Variants in RAPGEF4 observed in about 807,000 individuals in gnomAD.
RAPGEF4 encodes the protein Rap guanine nucleotide exchange factor 4.
RAPGEF4 carries 66 observed loss-of-function variants against 147.9 expected under a neutral mutation model. The observed-to-expected ratio is 0.45, with a 90% CI of 0.37 to 0.55. The LOEUF (loss-of-function observed/expected upper bound fraction) is 0.55, where lower values mean the gene tolerates loss of function less well. Ranked by LOEUF, RAPGEF4 falls within the 20% of genes least tolerant of loss-of-function variation. The pLI is 0.00. For missense variants in RAPGEF4, 1,071 were observed against 1,257.3 expected, an observed-to-expected ratio of 0.85 and a Z score of 2.24; for synonymous variants, 419 against 442.7, an observed-to-expected ratio of 0.95 and a Z score of 0.67.
rs780456542 is a variant in RAPGEF4 at position 172,983,489 on chromosome 2, T to G, written c.1005-7T>G. On this transcript the variant is annotated splice_region_variant and splice_polypyrimidine_tract_variant and intron_variant, in intron 10 of 30. Transcript: ENST00000397081. ...CCATATTCCTTTTTTTTTTTTTATC[T>G]TTGTAGACCTGGCCAGAGGACTGTG... is the stretch of plus-strand genomic sequence containing the variant. The G allele has an allele frequency of 1.9e-6, 3 of 1,584,608 alleles. No homozygotes were observed. The highest frequency in any genetic ancestry group is 2.6e-6 in the Non-Finnish European group (3 of 1,172,382).
rs766939204 is a variant in RAPGEF4, at chr2:173,048,600, C to A, written c.2854C>A (p.Arg952Ser). 1.2e-6 allele frequency: 2 copies of A among 1,613,974 alleles called. No homozygotes were observed. The highest frequency in any genetic ancestry group is 3.3e-5 in the Admixed American group (2 of 60,014). Reference sequence around the variant, plus strand: ...TTTCTTTTTTCTATATTCCTTTTAGCGCATGATTGCAAATACGGCCAGAAC... The same window carrying A: ...TTTCTTTTTTCTATATTCCTTTTAGAGCATGATTGCAAATACGGCCAGAAC... ...IDNLVNFEKM[R>S]MIANTARTVR... Residue 952 changes from arginine (R) to serine (S), a missense_variant and splice_region_variant, in exon 30 of 31, where the codon CGC becomes AGC. By Grantham distance (110) the Arg-to-Ser change is moderately radical. Coordinates refer to ENST00000397081, the MANE Select transcript of RAPGEF4 (RefSeq NM_007023.4).
At chr2:173,027,435 T>A (rs1696771845) in intron 25 of RAPGEF4, among the ~76,000 whole-genome samples, 176 bp downstream of exon 25, 1 of 152,036 alleles carries the variant, frequency 6.6e-6, no homozygotes, top group African/African-American at 2.4e-5. Context: ...TTTGTAGCAT[T>A]TAACATCAAT....
Position 172,941,519 on chromosome 2 carries a change from CTTAT to C in RAPGEF4, c.537+19221_537+19224del, listed in dbSNP as rs1222920999. On this transcript the variant is annotated intron_variant, in intron 6 of 30. Coordinates refer to ENST00000397081, the MANE Select transcript of RAPGEF4 (RefSeq NM_007023.4). ...TAAATAGCATAATCCATGGAAAGTTCTTATTGCCACGTCTGACAAAAAGTAAGCA... is the reference window on the plus strand; with the variant it reads ...TAAATAGCATAATCCATGGAAAGTTCTGCCACGTCTGACAAAAAGTAAGCA... 2.0e-5 allele frequency among the ~76,000 whole-genome samples: 3 copies of C among 152,224 alleles called. No individual in the cohort carries two copies. In the East Asian group the frequency reaches 5.8e-4, roughly 29 times the overall value.
At chr2:172,888,567 G>A (rs1408782782) in intron 4 of RAPGEF4, among the ~76,000 whole-genome samples, 3 of 152,154 alleles carry the variant, frequency 2.0e-5, no homozygotes, top group Non-Finnish European at 4.4e-5. Flanking sequence ...TTCATTTGTG[G>A]ACCAATAAGT....
At chr2:172,929,778 G>A (rs1244747954) in intron 6 of RAPGEF4, among the ~76,000 whole-genome samples, 1 of 152,176 alleles carries the variant, frequency 6.6e-6, no homozygotes, top group Non-Finnish European at 1.5e-5. Context: ...GAACAGTGAA[G>A]TATTGTGGGT....
At chr2:173,043,887 C>G (rs190540244) in intron 29 of RAPGEF4, among the ~76,000 whole-genome samples, 1 of 152,234 alleles carries the variant, frequency 6.6e-6, no homozygotes, top group Non-Finnish European at 1.5e-5. Context: ...AGTGGTCACC[C>G]CTTCCTCTGG....
chr2:172,901,500 T>C (rs1310089291), intron 4 of RAPGEF4, among the ~76,000 whole-genome samples: 1 of 152,256 alleles, frequency 6.6e-6, no homozygotes, highest in Admixed American at 6.5e-5. Flanking sequence ...TAGGTCTTCA[T>C]GCATTAGGCT....
intron 4 of RAPGEF4, chr2:172,917,349 A>G (rs1486879429): frequency 4.7e-6 from 2 of 429,680 alleles, no homozygotes; most frequent in South Asian, 1.7e-5. Context: ...CAAAAAAGAC[A>G]TTTTTCTCAA....
Position 172,928,275 on chromosome 2 carries a change from CT to C in RAPGEF4, c.537+5980del, listed in dbSNP as rs1382538967. 6.7e-6 allele frequency: 3 copies of C among 450,422 alleles called. No homozygotes were observed. In the Admixed American group the frequency reaches 7.1e-5, roughly 11 times the overall value. 27.9% of individuals were successfully genotyped at this position (450,422 alleles called of 1,614,324 possible). A position where few individuals can be genotyped will look rare whatever the true frequency, so the allele number is the denominator to read the frequency against. On this transcript the variant is annotated intron_variant, in intron 6 of 30. Transcript: ENST00000397081. ...ACTGTCGTTGCTGAATTTCTTTCTGCTTTTTATTCCATCTGTTCCTCAACTC... is the reference window on the plus strand; with the variant it reads ...ACTGTCGTTGCTGAATTTCTTTCTGCTTTTATTCCATCTGTTCCTCAACTC...
intron 26 of RAPGEF4, among the ~76,000 whole-genome samples, chr2:173,033,709 G>C (rs893612269): frequency 3.3e-5 from 5 of 152,174 alleles, no homozygotes; most frequent in Non-Finnish European, 5.9e-5. Flanking sequence ...TTTTGGTTCA[G>C]TTAGGTTAAA....
At chr2:173,016,541 C>A (rs192725066) in intron 19 of RAPGEF4, 104 bp downstream of exon 19, 50 of 928,262 alleles carry the variant, frequency 5.4e-5, no homozygotes, top group Non-Finnish European at 7.7e-5. Flanking sequence ...AGCCATGCCC[C>A]GCTTGATTTG....
chr2:173,014,696 G>A (rs1250322356), intron 18 of RAPGEF4, 82 bp downstream of exon 18: 4 of 1,324,382 alleles, frequency 3.0e-6, no homozygotes, highest in Admixed American at 3.0e-5. Context: ...AGCTTCCCTG[G>A]AGAGACCGTA....
chr2:172,753,992 G>C (rs1171003467), intron 1 of RAPGEF4, among the ~76,000 whole-genome samples: 4 of 152,138 alleles, frequency 2.6e-5, no homozygotes, highest in African/African-American at 9.7e-5. Context: ...CTTCCCAGGA[G>C]GAAAGTGGCA....
intron 10 of RAPGEF4, among the ~76,000 whole-genome samples, chr2:172,971,248 A>G (rs563425910): frequency 6.6e-6 from 1 of 152,336 alleles, no homozygotes; most frequent in Admixed American, 6.5e-5. Context: ...TCTGCTGTAC[A>G]AGCCTTCCAA....
At chr2:172,737,511 C>T (rs956204600) in intron 1 of RAPGEF4, among the ~76,000 whole-genome samples, 8 of 151,978 alleles carry the variant, frequency 5.3e-5, no homozygotes, top group Non-Finnish European at 1.2e-4. Context: ...TTTGAACAGT[C>T]GGTAATTCAC....
chr2:173,030,602 G>A (rs1697101892), intron 26 of RAPGEF4, among the ~76,000 whole-genome samples: 1 of 152,200 alleles, frequency 6.6e-6, no homozygotes, highest in Non-Finnish European at 1.5e-5. Flanking sequence ...TTTCTGAAAT[G>A]TCTGCTTGTT....
At chr2:172,856,004 G>GT (rs566137120) in intron 4 of RAPGEF4, among the ~76,000 whole-genome samples, 3 of 151,708 alleles carry the variant, frequency 2.0e-5, no homozygotes, top group Non-Finnish European at 4.4e-5. Context: ...AGTTTATATC[G>GT]TTTTTTAACC....
intron 4 of RAPGEF4, among the ~76,000 whole-genome samples, chr2:172,872,863 CCAG>C (rs1695410482): frequency 6.6e-6 from 1 of 152,116 alleles, no homozygotes; most frequent in Admixed American, 6.5e-5. Flanking sequence ...TGGCCTAATA[CCAG>C]CAGATTCCTG....
At chr2:172,989,279 A>G (rs1692583913) in intron 14 of RAPGEF4, among the ~76,000 whole-genome samples, 1 of 151,948 alleles carries the variant, frequency 6.6e-6, no homozygotes, top group South Asian at 2.1e-4. Context: ...TCTCCTCCCA[A>G]ATCTGAGCCT....
Sources: allele counts gnomAD v4.1 joint callset (sites outside exome capture counted in the v4.1 genomes callset), GRCh38; gene constraint gnomAD v4.1.1; transcripts MANE v1.5; gene names NCBI Gene and HGNC (gene_info 2026-07-23, HGNC 2026-07-21).